MYH10: variants seen among roughly 807,000 people sequenced by gnomAD.
MYH10 encodes the protein myosin-10.
Under a neutral mutation model 257.8 loss-of-function variants are expected in MYH10, and 55 were observed. That is an observed-to-expected ratio of 0.21 (90% CI 0.17 to 0.27). MYH10 has a LOEUF of 0.27. MYH10 is among the 10% of genes least tolerant of loss of function. The pLI, the probability that MYH10 is intolerant of heterozygous loss-of-function variation, is 1.00. For missense variants in MYH10, 1,631 were observed against 2,500.6 expected, an observed-to-expected ratio of 0.65 and a Z score of 7.42; for synonymous variants, 854 against 921.7, an observed-to-expected ratio of 0.93 and a Z score of 1.33.
At chr17:8,594,601 A>G (rs1215284751) in intron 3 of MYH10, among the ~76,000 whole-genome samples, 1 of 152,200 alleles carries the variant, frequency 6.6e-6, no homozygotes, top group Non-Finnish European at 1.5e-5. Flanking sequence ...ATGAAATGAA[A>G]ACTTATGCTC....
chr17:8,585,487 A>G (rs1313147205), intron 4 of MYH10, among the ~76,000 whole-genome samples: 1 of 151,814 alleles, frequency 6.6e-6, no homozygotes, highest in Non-Finnish European at 1.5e-5. Flanking sequence ...CCAGTCACAC[A>G]CACTTGGAGT....
At chr17:8,479,723 A>G (rs554207467) in intron 40 of MYH10, among the ~76,000 whole-genome samples, 2 of 152,350 alleles carry the variant, frequency 1.3e-5, no homozygotes, top group African/African-American at 2.4e-5. Flanking sequence ...GAAAGCTGTT[A>G]AGCAATCCCT....
At position 8,568,207 on chromosome 17, in the gene MYH10, A is replaced by G. The variant is rs149280083; in HGVS notation, c.756+1513T>C. ...CACGCAGCCGAACTTGGGTTCAGTT[A>G]TGAGAGGCCTCAGAAGAAACCAATC... is the stretch of plus-strand genomic sequence containing the variant. On this transcript the variant is annotated intron_variant, in intron 7 of 42. Transcript: ENST00000360416. Among the ~76,000 whole-genome samples the G allele has an allele frequency of 6.2e-3, 943 of 152,276 alleles. 11 individuals are homozygous for G. Among genetic ancestry groups the G allele is most frequent in the African/African-American group, 0.022 (910 of 41,540 alleles).
At position 8,477,161 on chromosome 17, in the gene MYH10, G is replaced by A. The variant is rs757934629; in HGVS notation, c.5707-113C>T. 33 of 1,226,368 alleles carry A rather than the reference G, an allele frequency of 2.7e-5. No homozygotes were observed. The highest frequency in any genetic ancestry group is 1.5e-4 in the Admixed American group (7 of 46,496). 76.0% of individuals were successfully genotyped at this position (1,226,368 alleles called of 1,614,324 possible). A position where few individuals can be genotyped will look rare whatever the true frequency, so the allele number is the denominator to read the frequency against. ...CTGCCTGTTACCCTTGTGAGCACGC[G>A]TGTACACGGATGTACACGCGTGCCT... On this transcript the variant is annotated intron_variant, in intron 41 of 42. Transcript: ENST00000360416. The surrounding 1 kb of genome is among the most constrained non-coding windows in gnomAD (Gnocchi z 4.2).
chr17:8,616,381 A>G lies in MYH10; in HGVS notation c.345+6521T>C, dbSNP rs145249433. On this transcript the variant is annotated intron_variant, in intron 2 of 42. Transcript: ENST00000360416. ...ATCCAACAGAATTTTCGGCTAAACT[A>G]TAATAACCAATAAGTAAACTTAGGT... Among the ~76,000 whole-genome samples, 136 of 152,322 alleles carry G rather than the reference A, an allele frequency of 8.9e-4. 1 individual carries two copies. Among genetic ancestry groups the G allele is most frequent in the African/African-American group, 3.1e-3 (127 of 41,582 alleles).
At chr17:8,581,628 G>A (rs191458833) in intron 4 of MYH10, among the ~76,000 whole-genome samples, 4 of 152,206 alleles carry the variant, frequency 2.6e-5, no homozygotes, top group African/African-American at 9.6e-5. Flanking sequence ...TTACTGTTGA[G>A]CTCCCAAGAG....
intron 21 of MYH10, among the ~76,000 whole-genome samples, chr17:8,517,022 T>C (rs1256325500): frequency 6.6e-6 from 1 of 151,940 alleles, no homozygotes; most frequent in Non-Finnish European, 1.5e-5. Flanking sequence ...GCGCCTGTAG[T>C]CCCAGCTACT....
intron 3 of MYH10, among the ~76,000 whole-genome samples, chr17:8,595,772 A>G (rs1367311408): frequency 1.2e-4 from 12 of 99,398 alleles, no homozygotes; most frequent in Admixed American, 1.2e-4. Context: ...GGGTTTTACC[A>G]TATCTTACAG....
intron 40 of MYH10, 122 bp from the exon 41 acceptor site, chr17:8,478,568 C>T: frequency 1.2e-6 from 1 of 836,204 alleles, no homozygotes; most frequent in Non-Finnish European, 1.9e-6. Context: ...ATGGACCTCT[C>T]TGTCCAGAAT....
chr17:8,488,789 G>A (rs1446205588), intron 35 of MYH10, among the ~76,000 whole-genome samples: 4 of 152,094 alleles, frequency 2.6e-5, no homozygotes, highest in Non-Finnish European at 5.9e-5. Flanking sequence ...AGAGGTGCTC[G>A]TCATCTGCTT....
At chr17:8,608,538 G>A (rs566924518) in intron 2 of MYH10, among the ~76,000 whole-genome samples, 47 of 152,324 alleles carry the variant, frequency 3.1e-4, no homozygotes, top group Non-Finnish European at 6.0e-4. Flanking sequence ...CTGTGGTATG[G>A]TGGGTGAGCC....
At chr17:8,502,038 G>A (rs1365119035) in intron 28 of MYH10, among the ~76,000 whole-genome samples, 1 of 152,208 alleles carries the variant, frequency 6.6e-6, no homozygotes, top group Non-Finnish European at 1.5e-5. Flanking sequence ...ACCTATATTA[G>A]CACTGTTGAA....
intron 40 of MYH10, 94 bp from the exon 41 acceptor site, chr17:8,478,540 A>G: frequency 5.2e-6 from 6 of 1,163,594 alleles, no homozygotes; most frequent in Non-Finnish European, 7.6e-6. Context: ...TGGGAAGATG[A>G]CACATGGTGG....
Position 8,490,595 on chromosome 17 carries a change from G to A in MYH10, c.4672-43C>T, listed in dbSNP as rs1239178578. On this transcript the variant is annotated intron_variant, in intron 34 of 42. Coordinates refer to ENST00000360416, the MANE Select transcript of MYH10 (RefSeq NM_001256012.3). The surrounding 1 kb of genome is among the most constrained non-coding windows in gnomAD (Gnocchi z 4.1). ...CAGGAAAGAGTTGACCGGGGTGGAG[G>A]CACATATGAAGAACAGCAGTCTTAC... The A allele has an allele frequency of 6.3e-7, 1 of 1,583,714 alleles. No homozygotes were observed. The highest frequency in any genetic ancestry group is 8.7e-7 in the Non-Finnish European group (1 of 1,152,848).
At chr17:8,476,407 G>A (rs1597579119) in intron 42 of MYH10, among the ~76,000 whole-genome samples, 1 of 152,226 alleles carries the variant, frequency 6.6e-6, no homozygotes, top group Admixed American at 6.5e-5. Context: ...GGCCAGATGT[G>A]CTGAAACCTC....
intron 1 of MYH10, among the ~76,000 whole-genome samples, chr17:8,625,226 G>A (rs2085629189): frequency 6.6e-6 from 1 of 152,176 alleles, no homozygotes; most frequent in Non-Finnish European, 1.5e-5. Flanking sequence ...ACTCCAGGCT[G>A]GGTGACAGAG....
At chr17:8,554,675 C>A (rs960830931) in intron 7 of MYH10, among the ~76,000 whole-genome samples, 1 of 152,164 alleles carries the variant, frequency 6.6e-6, no homozygotes, top group African/African-American at 2.4e-5. Context: ...GCAAGCTGGG[C>A]GTGCTGACTC....
At chr17:8,511,272 C>G (rs1265213618) in intron 24 of MYH10, 1 of 152,030 alleles carries the variant, frequency 6.6e-6, no homozygotes, top group African/African-American at 2.4e-5. Flanking sequence ...GTAGTCCTAG[C>G]ACTTTGGGAG....
intron 7 of MYH10, among the ~76,000 whole-genome samples, chr17:8,556,082 G>A (rs914051452): frequency 2.0e-5 from 3 of 152,188 alleles, no homozygotes; most frequent in Non-Finnish European, 4.4e-5. Context: ...AAACAGCCAC[G>A]ATGAGACACC....
Sources: allele counts gnomAD v4.1 joint callset (sites outside exome capture counted in the v4.1 genomes callset), GRCh38; gene constraint gnomAD v4.1.1; non-coding constraint Gnocchi (gnomAD v3.1); transcripts MANE v1.5; gene names NCBI Gene and HGNC (gene_info 2026-07-23, HGNC 2026-07-21).